CUL3: variants seen among roughly 807,000 people sequenced by gnomAD.
The protein encoded by CUL3 is cullin-3.
In CUL3, 19 loss-of-function variants were observed where a neutral mutation model predicts 89.1. The ratio of observed to expected loss-of-function variants is 0.21; its 90% CI spans 0.15 to 0.31. The LOEUF is 0.31. CUL3 is among the 10% of genes least tolerant of loss of function. CUL3 has a pLI of 1.00. For missense variants in CUL3, 469 were observed against 942.3 expected, an observed-to-expected ratio of 0.50 and a Z score of 6.58; for synonymous variants, 351 against 308.4, an observed-to-expected ratio of 1.14 and a Z score of -1.45.
intron 3 of CUL3, among the ~76,000 whole-genome samples, chr2:224,525,821 T>C (rs961497894): frequency 6.6e-6 from 1 of 152,222 alleles, no homozygotes; most frequent in Non-Finnish European, 1.5e-5. Flanking sequence ...TTCATTATCA[T>C]AATTCCTCAG....
intron 1 of CUL3, among the ~76,000 whole-genome samples, chr2:224,559,250 G>C (rs1419517862): frequency 6.6e-6 from 1 of 151,626 alleles, no homozygotes; most frequent in Non-Finnish European, 1.5e-5. Context: ...AGGAGTTTGA[G>C]ACCAGCCTGG....
intron 1 of CUL3, among the ~76,000 whole-genome samples, chr2:224,559,002 G>A (rs982460708): frequency 1.3e-5 from 2 of 151,400 alleles, no homozygotes; most frequent in Non-Finnish European, 2.9e-5. Flanking sequence ...CTTGCAGTGA[G>A]CCAAGATCCC....
chr2:224,505,138 G>GT (rs11428046), intron 8 of CUL3, among the ~76,000 whole-genome samples: 40,738 of 137,614 alleles, frequency 0.3, 6,213 homozygotes, highest in Middle Eastern at 0.41. Context: ...TAGTTGTTCA[G>GT]TTTTTTTTTT....
In CUL3 at chr2:224,522,602, C is replaced by A. The variant is rs556475910; in HGVS notation, c.379-7830G>T. Among the ~76,000 whole-genome samples the A allele has an allele frequency of 2.9e-4, 44 of 152,146 alleles. 1 individual carries two copies. Among genetic ancestry groups the A allele is most frequent in the Admixed American group, 3.9e-4 (6 of 15,290 alleles). ...ATCTTTCTTGGGAGGCCGAGGCGGG[C>A]GGATCATGAGGTCAGGAGATCGAGA... On this transcript the variant is annotated intron_variant, in intron 3 of 15. Transcript: ENST00000264414.
At chr2:224,576,336 T>G (rs1695296895) in intron 1 of CUL3, among the ~76,000 whole-genome samples, 1 of 152,154 alleles carries the variant, frequency 6.6e-6, no homozygotes, top group Non-Finnish European at 1.5e-5. Flanking sequence ...GACCGCAGAC[T>G]AAGTCTTCTA....
chr2:224,519,737 T>C (rs1207524747), intron 3 of CUL3, among the ~76,000 whole-genome samples: 1 of 152,182 alleles, frequency 6.6e-6, no homozygotes, highest in Admixed American at 6.5e-5. Context: ...TGTGTGCATA[T>C]GTTAAACAGA....
chr2:224,487,536 A>G (rs1365119740), intron 13 of CUL3, among the ~76,000 whole-genome samples: 1 of 150,994 alleles, frequency 6.6e-6, no homozygotes, highest in African/African-American at 2.4e-5. Context: ...AAAGGGATCA[A>G]TGCAACAAGA....
intron 13 of CUL3, among the ~76,000 whole-genome samples, chr2:224,484,172 A>ATT (rs879775065): frequency 6.8e-6 from 1 of 147,708 alleles, no homozygotes; most frequent in African/African-American, 2.5e-5. Flanking sequence ...CTGTCTCAAA[A>ATT]TTTTTTTTTT....
intron 2 of CUL3, among the ~76,000 whole-genome samples, chr2:224,539,732 T>A (rs1694024134): frequency 6.6e-6 from 1 of 150,570 alleles, no homozygotes; most frequent in South Asian, 2.1e-4. Context: ...GATCCAACTA[T>A]ATGACATTCT....
chr2:224,514,824 TA>T, intron 3 of CUL3, 52 bp from the exon 4 acceptor site: 1 of 1,257,136 alleles, frequency 8.0e-7, no homozygotes, highest in Non-Finnish European at 1.1e-6. Flanking sequence ...GCATAATAAT[TA>T]TTGTGTGCTA....
chr2:224,538,826 G>A (rs899302720), intron 2 of CUL3, among the ~76,000 whole-genome samples: 7 of 152,184 alleles, frequency 4.6e-5, no homozygotes, highest in African/African-American at 1.7e-4. Flanking sequence ...GCTCAACACA[G>A]TGGATCACAA....
At position 224,585,337 on chromosome 2, in the gene CUL3, T is replaced by C. The variant is rs1695561747; in HGVS notation, c.-328A>G. 5 of 401,910 alleles carry C rather than the reference T, an allele frequency of 1.2e-5. No homozygotes were observed. In the South Asian group the frequency reaches 6.3e-4, roughly 51 times the overall value. 24.9% of individuals were successfully genotyped at this position (401,910 alleles called of 1,614,324 possible). A position where few individuals can be genotyped will look rare whatever the true frequency, so the allele number is the denominator to read the frequency against. On this transcript the variant is annotated 5_prime_UTR_variant, in exon 1 of 16. Coordinates refer to ENST00000264414, the MANE Select transcript of CUL3 (RefSeq NM_003590.5). ...GCGGCGGCGGCGACGGACAAACATC[T>C]CACTGCGCAGGCCGAACGTCGTCCT...
In CUL3 at chr2:224,470,512, G is replaced by C. The variant is rs1032521345; in HGVS notation, c.*3733C>G. ...GTTAAATTTATCTGCCATTCTTAAC[G>C]TCTCTTCTTCCTTCTGGCTAATTTG... On this transcript the variant is annotated 3_prime_UTR_variant, in exon 16 of 16. Transcript: ENST00000264414. The C allele has an allele frequency of 1.3e-5, 3 of 230,988 alleles. No individual in the cohort carries two copies. The highest frequency in any genetic ancestry group is 6.6e-5 in the African/African-American group (3 of 45,152). 14.3% of individuals were successfully genotyped at this position (230,988 alleles called of 1,614,324 possible).
chr2:224,484,552 T>A (rs1037069627), intron 13 of CUL3, among the ~76,000 whole-genome samples: 2 of 152,204 alleles, frequency 1.3e-5, no homozygotes, highest in Admixed American at 6.5e-5. Flanking sequence ...ATGTATCTCA[T>A]CATATAGATG....
intron 3 of CUL3, among the ~76,000 whole-genome samples, chr2:224,528,187 CA>C (rs1437395155): frequency 5.9e-5 from 9 of 152,144 alleles, no homozygotes; most frequent in Non-Finnish European, 1.2e-4. Flanking sequence ...TCAGTTTCAG[CA>C]GGCTAAAGCA....
intron 11 of CUL3, chr2:224,500,159 A>G: frequency 2.1e-6 from 1 of 479,334 alleles, no homozygotes; most frequent in Non-Finnish European, 3.7e-6. Flanking sequence ...CAATCTTTCT[A>G]GAGATAAATT....
rs756760992 is a variant in CUL3 at position 224,584,897 on chromosome 2, G to GGCCCGGC, written c.66+40_66+46dup. The GGCCCGGC allele has an allele frequency of 1.3e-5, 18 of 1,406,626 alleles. No individual in the cohort carries two copies. In the South Asian group the frequency reaches 2.3e-4, roughly 18 times the overall value. The allele number at this position is 1,406,626 out of a possible 1,614,324, so 87.1% of individuals were successfully genotyped here. A position where few individuals can be genotyped will look rare whatever the true frequency, so the allele number is the denominator to read the frequency against. On this transcript the variant is annotated intron_variant, in intron 1 of 15. Coordinates refer to ENST00000264414, the MANE Select transcript of CUL3 (RefSeq NM_003590.5). ...AGCCCGGGCCTCGCGTGCGGCTCTC[G>GGCCCGGC]GCCCGGCCCCCGGCCCCGGGGTCCC...
At chr2:224,506,485 A>C (rs1011853966) in intron 7 of CUL3, among the ~76,000 whole-genome samples, 1 of 152,210 alleles carries the variant, frequency 6.6e-6, no homozygotes, top group Non-Finnish European at 1.5e-5. Context: ...CATGGCACAT[A>C]ATTTATTCAT....
chr2:224,544,885 A>G (rs1379119349), intron 2 of CUL3, among the ~76,000 whole-genome samples: 4 of 151,968 alleles, frequency 2.6e-5, no homozygotes, highest in African/African-American at 9.7e-5. Context: ...AAAAAGAAAC[A>G]CTGCAATGTT....
Sources: allele counts gnomAD v4.1 joint callset (sites outside exome capture counted in the v4.1 genomes callset), GRCh38; gene constraint gnomAD v4.1.1; transcripts MANE v1.5; gene names NCBI Gene and HGNC (gene_info 2026-07-23, HGNC 2026-07-21).